Variants in IMPA1 observed in about 807,000 individuals in gnomAD.
The protein encoded by IMPA1 is D-galactose 1-phosphate phosphatase.
IMPA1 carries 21 observed loss-of-function variants against 34.9 expected under a neutral mutation model. The ratio of observed to expected loss-of-function variants is 0.60; its 90% CI spans 0.43 to 0.87. The LOEUF is 0.87. Ranked by LOEUF, IMPA1 falls within the 40% of genes least tolerant of loss-of-function variation. The probability of loss-of-function intolerance (pLI) is 0.00; values close to 1 mark genes in which losing one functional copy is unlikely to be tolerated. For synonymous variants in IMPA1, 95 were observed against 104.4 expected, an observed-to-expected ratio of 0.91 and a Z score of 0.55; for missense variants, 299 against 336.4, an observed-to-expected ratio of 0.89 and a Z score of 0.87.
At chr8:81,683,638 T>C (rs1807369277) in intron 1 of IMPA1, among the ~76,000 whole-genome samples, 3 of 152,226 alleles carry the variant, frequency 2.0e-5, no homozygotes, top group South Asian at 4.2e-4. Flanking sequence ...AGGAGTTTAA[T>C]TAGCGGAAGA....
chr8:81,673,175 C>T (rs778033348), intron 6 of IMPA1, among the ~76,000 whole-genome samples: 6 of 152,204 alleles, frequency 3.9e-5, no homozygotes, highest in Non-Finnish European at 7.3e-5. Context: ...AGACTGATAG[C>T]TTATCTTCAC....
At position 81,686,304 on chromosome 8, in the gene IMPA1, C is replaced by G. The variant is rs1377405949; in HGVS notation, c.-77G>C. 8.1e-6 allele frequency: 8 copies of G among 988,714 alleles called. No individual in the cohort carries two copies. The highest frequency in any genetic ancestry group is 1.7e-5 in the African/African-American group (1 of 57,402). The allele number at this position is 988,714 out of a possible 1,614,324, so 61.2% of individuals were successfully genotyped here. A position where few individuals can be genotyped will look rare whatever the true frequency, so the allele number is the denominator to read the frequency against. On this transcript the variant is annotated 5_prime_UTR_variant, in exon 1 of 9. Transcript: ENST00000256108. Reference sequence around the variant, plus strand: ...CTGTGAACGGTGTTACCGCACTCGTCTCTTCCGGAGGTAGAGGGGCTACTC... The same window carrying G: ...CTGTGAACGGTGTTACCGCACTCGTGTCTTCCGGAGGTAGAGGGGCTACTC...
At chr8:81,671,199 C>T (rs1585895196) in intron 6 of IMPA1, 152 bp from the exon 7 acceptor site, 1 of 466,420 alleles carries the variant, frequency 2.1e-6, no homozygotes, top group East Asian at 3.7e-5. Flanking sequence ...TTAATTATCC[C>T]TATGTGATCC....
intron 4 of IMPA1, among the ~76,000 whole-genome samples, chr8:81,676,989 C>T (rs149593688): frequency 2.8e-4 from 43 of 151,688 alleles, no homozygotes; most frequent in African/African-American, 9.4e-4. Flanking sequence ...GATGCTGTCC[C>T]CCTTTAAAAA....
At position 81,664,874 on chromosome 8, in the gene IMPA1, AAAAAAAAGAAAAAGG is replaced by A. The variant is rs200812479; in HGVS notation, c.567-4222_567-4208del. On this transcript the variant is annotated intron_variant, in intron 7 of 8. Coordinates refer to ENST00000256108, the MANE Select transcript of IMPA1 (RefSeq NM_005536.4). The stretch of plus-strand genomic sequence containing the variant: ...CTAAAACTTAAAGTATAATAATAAC[AAAAAAAAGAAAAAGG>A]AAAAAAAGAAAAAAAAAAAGAGTGA... Among the ~76,000 whole-genome samples, 75 of 150,246 alleles carry A rather than the reference AAAAAAAAGAAAAAGG, an allele frequency of 5.0e-4. No individual in the cohort carries two copies. The East Asian group carries it at 0.012, about 24-fold the overall frequency.
rs1484411676 is a variant in IMPA1 at position 81,680,768 on chromosome 8, T to A, written c.79A>T (p.Ile27Leu). 1 of 1,606,526 alleles carries A rather than the reference T, an allele frequency of 6.2e-7. No individual in the cohort carries two copies. The change falls in exon 3 of 9, where the codon ATA becomes TTA. Residue 27 changes from isoleucine (I) to leucine (L), a missense_variant. Coordinates refer to ENST00000256108, the MANE Select transcript of IMPA1 (RefSeq NM_005536.4). ...RQAGEVVCEAIKNEMNVMLKS... is the reference protein window; with the variant it reads ...RQAGEVVCEALKNEMNVMLKS... ...AGCATAACATTCATTTCATTTTTTA[T>A]AGCTTCACAAACTACCTAAAAAGAG...
rs778160191 is a variant in IMPA1 at position 81,659,443 on chromosome 8, G to A, written c.742C>T (p.Arg248Ter). 5.0e-6 allele frequency: 8 copies of A among 1,606,082 alleles called. No homozygotes were observed. Among genetic ancestry groups the A allele is most frequent in the African/African-American group, 1.3e-5 (1 of 74,688 alleles). ...CTATTATTTGCAGCAATTACTCTTC[G>A]TGACATCAAATCAAATGGTCCACCT... ...VTGGPFDLMS[R>*]RVIAANNRIL... Residue 248 changes from arginine to a stop codon, truncating the protein, a stop_gained, in exon 9 of 9, where the codon CGA becomes TGA. Transcript: ENST00000256108. LOFTEE classifies it high-confidence loss of function.
chr8:81,685,014 C>A (rs184430299), intron 1 of IMPA1, among the ~76,000 whole-genome samples: 3 of 130,942 alleles, frequency 2.3e-5, no homozygotes, highest in East Asian at 4.7e-4. Flanking sequence ...ATATACTATA[C>A]GTAAGTATAT....
chr8:81,681,353 C>A, intron 2 of IMPA1, 145 bp downstream of exon 2: 1 of 602,492 alleles, frequency 1.7e-6, no homozygotes, highest in Non-Finnish European at 2.9e-6. Flanking sequence ...GAGCCATGTT[C>A]CTGCCACTAC....
rs1806593205 is a variant in IMPA1 at position 81,659,124 on chromosome 8, T to C, written c.*227A>G. 3 of 522,358 alleles carry C rather than the reference T, an allele frequency of 5.7e-6. No individual in the cohort carries two copies. Among genetic ancestry groups the C allele is most frequent in the Non-Finnish European group, 1.0e-5 (3 of 296,238 alleles). 32.4% of individuals were successfully genotyped at this position (522,358 alleles called of 1,614,324 possible). ...ATTTATCAACTGTACTTCCTGGGTA[T>C]GTTTCCTAAAGTACATTCTTACATG... On this transcript the variant is annotated 3_prime_UTR_variant, in exon 9 of 9. Transcript: ENST00000256108.
At chr8:81,660,925 TAA>T (rs1456300302) in intron 7 of IMPA1, among the ~76,000 whole-genome samples, 1 of 152,174 alleles carries the variant, frequency 6.6e-6, no homozygotes, top group Non-Finnish European at 1.5e-5. Context: ...TCATAAAAAA[TAA>T]AGACAATGCT....
At chr8:81,680,128 C>T (rs1363121138) in intron 3 of IMPA1, among the ~76,000 whole-genome samples, 1 of 121,474 alleles carries the variant, frequency 8.2e-6, no homozygotes, top group African/African-American at 4.1e-5. Flanking sequence ...GAGCGTGTCT[C>T]CGTCTAAAAA....
chr8:81,666,238 A>G (rs764009098), intron 7 of IMPA1, among the ~76,000 whole-genome samples: 1 of 152,212 alleles, frequency 6.6e-6, no homozygotes, highest in Non-Finnish European at 1.5e-5. Context: ...GTACTATAAA[A>G]GTTGTATTAC....
chr8:81,679,594 C>G (rs952766249), intron 3 of IMPA1, among the ~76,000 whole-genome samples: 1 of 145,232 alleles, frequency 6.9e-6, no homozygotes, highest in African/African-American at 2.6e-5. Context: ...GCCTGGGTAA[C>G]TGAGAGAGAC....
intron 7 of IMPA1, among the ~76,000 whole-genome samples, chr8:81,664,015 G>T (rs1806749956): frequency 6.6e-6 from 1 of 151,958 alleles, no homozygotes; most frequent in Non-Finnish European, 1.5e-5. Flanking sequence ...CTCCAGCCTG[G>T]CGACAGAGAC....
intron 3 of IMPA1, among the ~76,000 whole-genome samples, chr8:81,680,380 C>A (rs903297503): frequency 6.6e-6 from 1 of 152,204 alleles, no homozygotes; most frequent in African/African-American, 2.4e-5. Flanking sequence ...ATGTCGTGAG[C>A]TACTCTGTGA....
At chr8:81,674,674 T>C (rs770659181) in intron 5 of IMPA1, 4 of 370,684 alleles carry the variant, frequency 1.1e-5, no homozygotes, top group East Asian at 7.7e-5. Context: ...TGCCTCACCC[T>C]GAAAAGTTAG....
At chr8:81,663,155 CAACAGCA>C (rs530358108) in intron 7 of IMPA1, among the ~76,000 whole-genome samples, 2 of 152,042 alleles carry the variant, frequency 1.3e-5, no homozygotes, top group Non-Finnish European at 2.9e-5. Flanking sequence ...TTATTTCAGC[CAACAGCA>C]AAATTAAAGG....
intron 1 of IMPA1, among the ~76,000 whole-genome samples, chr8:81,684,104 T>C (rs1374062004): frequency 1.4e-5 from 2 of 147,710 alleles, no homozygotes; most frequent in Non-Finnish European, 3.0e-5. Flanking sequence ...AAACTATATA[T>C]ATATATATAT....
Sources: allele counts gnomAD v4.1 joint callset (sites outside exome capture counted in the v4.1 genomes callset), GRCh38; gene constraint gnomAD v4.1.1; transcripts MANE v1.5; gene names NCBI Gene and HGNC (gene_info 2026-07-23, HGNC 2026-07-21).